Variants in ERCC2 observed in about 807,000 individuals in gnomAD.
ERCC2 encodes the protein ERCC excision repair 2, TFIIH core complex helicase subunit.
ERCC2 carries 90 observed loss-of-function variants against 99.4 expected under a neutral mutation model. That is an observed-to-expected ratio of 0.91 (90% CI 0.76 to 1.08). The LOEUF (loss-of-function observed/expected upper bound fraction) is 1.08. Ranked by LOEUF, ERCC2 falls within the 50% of genes least tolerant of loss-of-function variation. The pLI is 0.00. For synonymous variants in ERCC2, 497 were observed against 432.4 expected, an observed-to-expected ratio of 1.15 and a Z score of -1.85; for missense variants, 993 against 1,038.1, an observed-to-expected ratio of 0.96 and a Z score of 0.60.
intron 21 of ERCC2, 28 bp downstream of exon 21, chr19:45,352,478 G>A: frequency 6.2e-7 from 1 of 1,614,122 alleles, no homozygotes; most frequent in South Asian, 1.1e-5. Flanking sequence ...CCTGGGATGG[G>A]AGCACAGGGG....
rs50872 is a variant in ERCC2 at position 45,359,191 on chromosome 19, A to G, written c.1238-1492T>C. On this transcript the variant is annotated intron_variant, in intron 12 of 22. Coordinates refer to ENST00000391945, the MANE Select transcript of ERCC2 (RefSeq NM_000400.4). The stretch of plus-strand genomic sequence containing the variant: ...ACAAGACATCTCTACTAAGCTGAGA[A>G]CCTAAGGATGAGGGGGAGGTGGTTG... Among the ~76,000 whole-genome samples, 120,303 of 151,800 alleles carry G rather than the reference A, an allele frequency of 0.79. 47,799 individuals carry two copies. Among genetic ancestry groups the G allele is most frequent in the African/African-American group, 0.84 (34,710 of 41,382 alleles).
At chr19:45,352,912 G>A in intron 19 of ERCC2, 96 bp from the exon 20 acceptor site, 5 of 1,311,198 alleles carry the variant, frequency 3.8e-6, no homozygotes, top group Non-Finnish European at 1.1e-6. Context: ...TCTGAGTTGG[G>A]GGGAGAGGGT....
In ERCC2 at chr19:45,351,255, C is replaced by T. The variant is rs1160575147; in HGVS notation, c.*374G>A. 1.9e-6 allele frequency: 3 copies of T among 1,605,336 alleles called. No homozygotes were observed. Among genetic ancestry groups the T allele is most frequent in the Non-Finnish European group, 1.7e-6 (2 of 1,176,100 alleles). On this transcript the variant is annotated 3_prime_UTR_variant, in exon 23 of 23. Coordinates refer to ENST00000391945, the MANE Select transcript of ERCC2 (RefSeq NM_000400.4). Reference sequence around the variant, plus strand: ...GGATGTAACACTTGCCCCTCACCTCCCCTCCAACCATCCCCTGTGCCTGTC... The same window carrying T: ...GGATGTAACACTTGCCCCTCACCTCTCCTCCAACCATCCCCTGTGCCTGTC...
Position 45,370,183 on chromosome 19 carries a change from G to T in ERCC2, c.55C>A (p.Pro19Thr). 1 of 1,613,506 alleles carries T rather than the reference G, an allele frequency of 6.2e-7. No individual in the cohort carries two copies. The highest frequency in any genetic ancestry group is 8.5e-7 in the Non-Finnish European group (1 of 1,179,540). ...LVYFPYDYIYPEQFSYMRELK... is the reference protein window; with the variant it reads ...LVYFPYDYIYTEQFSYMRELK... ...TCCCGCATGTAGGAGAACTGCTCGG[G>T]GTAGATGTAGTCGTACGGGAAGTAG... The change falls in exon 2 of 23, where the codon CCC becomes ACC. Residue 19 changes from proline to threonine, a missense_variant. This residue lies in a region of ERCC2 where 55 missense variants were observed against 45.1 expected (regional missense o/e 1.22). Transcript: ENST00000391945.
At chr19:45,358,056 TG>T (rs1195154271) in intron 12 of ERCC2, 16 of 395,250 alleles carry the variant, frequency 4.0e-5, no homozygotes, top group African/African-American at 2.5e-4. Context: ...TTCTTGTTTT[TG>T]TTTTTTGAGA....
intron 12 of ERCC2, chr19:45,358,915 G>A: frequency 2.6e-6 from 2 of 769,572 alleles, no homozygotes; most frequent in South Asian, 2.8e-5. Flanking sequence ...AGCCTGGCCT[G>A]TTTGTTGAAG....
intron 19 of ERCC2, 37 bp from the exon 20 acceptor site, chr19:45,352,853 A>G: frequency 1.3e-6 from 2 of 1,597,454 alleles, no homozygotes; most frequent in African/African-American, 1.3e-5. Flanking sequence ...GGGGGTTACA[A>G]GTGTGGCTGG....
intron 2 of ERCC2, among the ~76,000 whole-genome samples, chr19:45,369,598 C>A (rs1366109901): frequency 6.6e-6 from 1 of 152,078 alleles, no homozygotes; most frequent in African/African-American, 2.4e-5. Flanking sequence ...AATAATAAAA[C>A]CTTCCTCATA....
Position 45,354,705 on chromosome 19 carries a change from G to A in ERCC2, c.1665+25C>T, listed in dbSNP as rs1324882650. ...GTGCCAGGGACTGAGGAGAGCAGGT[G>A]CAGGGAGGGGGTGGCCAGGCGTACC... On this transcript the variant is annotated intron_variant, in intron 17 of 22. Transcript: ENST00000391945. 24 of 1,612,908 alleles carry A rather than the reference G, an allele frequency of 1.5e-5. No individual in the cohort carries two copies. In the East Asian group the frequency reaches 1.8e-4, roughly 12 times the overall value.
At chr19:45,351,851 G>A (rs1032242470) in intron 22 of ERCC2, 130 bp from the exon 23 acceptor site, 48 of 809,966 alleles carry the variant, frequency 5.9e-5, no homozygotes, top group East Asian at 5.7e-4. Context: ...GGAGATGTCC[G>A]TATAATCCAG....
Position 45,370,546 on chromosome 19 carries a change from C to G in ERCC2, c.-6G>C, listed in dbSNP as rs758118244. ...CAGCCCCCTTCTCACTTCATGGCGC[C>G]GGCCGGACTGTGCAGCGGGGTCGAC... On this transcript the variant is annotated 5_prime_UTR_variant, in exon 1 of 23. Coordinates refer to ENST00000391945, the MANE Select transcript of ERCC2 (RefSeq NM_000400.4). The G allele has an allele frequency of 8.8e-6, 14 of 1,593,320 alleles. No individual in the cohort carries two copies. The African/African-American group carries it at 1.6e-4, about 18-fold the overall frequency.
chr19:45,357,502 C>T lies in ERCC2; in HGVS notation c.1349G>A (p.Arg450His), dbSNP rs146632315. 1.8e-4 allele frequency: 298 copies of T among 1,614,006 alleles called. No individual in the cohort carries two copies. The highest frequency in any genetic ancestry group is 2.3e-4 in the Non-Finnish European group (277 of 1,179,994). Residue 450 changes from arginine to histidine, a missense_variant, in exon 14 of 23, where the codon CGT becomes CAT. By Grantham distance (29) the Arg-to-His change is conservative. This residue lies in a region of ERCC2 where 909 missense variants were observed against 930.8 expected (regional missense o/e 0.98). Coordinates refer to ENST00000391945, the MANE Select transcript of ERCC2 (RefSeq NM_000400.4). ...ASLAIKPVFERFQSVIITSGT... is the reference protein window; with the variant it reads ...ASLAIKPVFEHFQSVIITSGT... ...AGATGTGATGATGACAGACTGGAAA[C>T]GCTCAAATACGGGTTTGATGGCCAG...
intron 12 of ERCC2, among the ~76,000 whole-genome samples, chr19:45,361,106 G>C (rs1353231066): frequency 6.6e-6 from 1 of 150,832 alleles, no homozygotes; most frequent in Admixed American, 6.6e-5. Context: ...ACTCCAGCCT[G>C]GCAACAGAGC....
chr19:45,363,945 G>T (rs1972321465), intron 10 of ERCC2, 34 bp from the exon 11 acceptor site: 2 of 1,520,232 alleles, frequency 1.3e-6, no homozygotes, highest in African/African-American at 3.4e-5. Flanking sequence ...CGACGGGGAG[G>T]CGGGAAAGGG....
Position 45,370,571 on chromosome 19 carries a change from C to G in ERCC2, c.-31G>C. On this transcript the variant is annotated 5_prime_UTR_variant, in exon 1 of 23. Transcript: ENST00000391945. ...CGGCCGGACTGTGCAGCGGGGTCGA[C>G]CCGCCTCCCTCATGAATATTCAGCG... is the stretch of plus-strand genomic sequence containing the variant. 1 of 1,589,342 alleles carries G rather than the reference C, an allele frequency of 6.3e-7. No individual in the cohort carries two copies. The highest frequency in any genetic ancestry group is 8.5e-7 in the Non-Finnish European group (1 of 1,173,026).
Position 45,350,601 on chromosome 19 carries a change from GGGCCTGGGGGACTGAGCAGCATCCCC to G in ERCC2, c.*1002_*1027del. The G allele has an allele frequency of 3.7e-6, 6 of 1,613,600 alleles. No homozygotes were observed. Among genetic ancestry groups the G allele is most frequent in the Non-Finnish European group, 5.1e-6 (6 of 1,179,678 alleles). On this transcript the variant is annotated 3_prime_UTR_variant, in exon 23 of 23. Coordinates refer to ENST00000391945, the MANE Select transcript of ERCC2 (RefSeq NM_000400.4). ...CCTGGGGTGGGCGTGGGGACTGCAT[GGGCCTGGGGGACTGAGCAGCATCCCC>G]GGCCCCTCCCCAGGCCCTTCGCCGC...
chr19:45,354,579 C>A (rs1370258758), intron 17 of ERCC2, 151 bp downstream of exon 17: 2 of 953,760 alleles, frequency 2.1e-6, no homozygotes, highest in Non-Finnish European at 3.3e-6. Context: ...GGGGTGTGTG[C>A]TGCTTACACC....
chr19:45,363,420 C>T (rs1241134977), intron 11 of ERCC2, among the ~76,000 whole-genome samples: 1 of 152,170 alleles, frequency 6.6e-6, no homozygotes, highest in African/African-American at 2.4e-5. Context: ...GCTTAGCTCC[C>T]AGCTCTCACC....
chr19:45,360,118 TCGCCCAGGCTGGAG>T, intron 12 of ERCC2, among the ~76,000 whole-genome samples: 1 of 150,616 alleles, frequency 6.6e-6, no homozygotes, highest in South Asian at 2.1e-4. Context: ...CTTCGCTCTG[TCGCCCAGGCTGGAG>T]TGCAGTGGCA....
Sources: allele counts gnomAD v4.1 joint callset (sites outside exome capture counted in the v4.1 genomes callset), GRCh38; gene constraint gnomAD v4.1.1; regional missense constraint gnomAD v4.1.1; transcripts MANE v1.5; gene names NCBI Gene and HGNC (gene_info 2026-07-23, HGNC 2026-07-21).